ABHD6: variants seen among roughly 807,000 people sequenced by gnomAD.
ABHD6 encodes abhydrolase domain containing 6, acylglycerol lipase.
ABHD6 carries 33 observed loss-of-function variants against 38.8 expected under a neutral mutation model. The observed-to-expected ratio is 0.85, with a 90% CI of 0.64 to 1.14. The LOEUF (loss-of-function observed/expected upper bound fraction) is 1.14, where lower values mean the gene tolerates loss of function less well. ABHD6 is among the 50% of genes most tolerant of loss of function. ABHD6 has a pLI of 0.00. For missense variants in ABHD6, 380 were observed against 422.6 expected, an observed-to-expected ratio of 0.90 and a Z score of 0.88; for synonymous variants, 147 against 161.6, an observed-to-expected ratio of 0.91 and a Z score of 0.69.
At chr3:58,252,275 T>C (rs2097430558) in intron 2 of ABHD6, among the ~76,000 whole-genome samples, 1 of 127,630 alleles carries the variant, frequency 7.8e-6, no homozygotes, top group South Asian at 2.8e-4. Context: ...CTCTGTCGCC[T>C]AGGCTGTCGG....
At chr3:58,255,791 C>A (rs1158416707) in intron 2 of ABHD6, among the ~76,000 whole-genome samples, 1 of 151,940 alleles carries the variant, frequency 6.6e-6, no homozygotes, top group South Asian at 2.1e-4. Flanking sequence ...ATTACAGTCA[C>A]CTGCCACCAC....
At chr3:58,291,296 C>A (rs1412309404) in intron 9 of ABHD6, among the ~76,000 whole-genome samples, 2 of 151,596 alleles carry the variant, frequency 1.3e-5, no homozygotes, top group African/African-American at 4.9e-5. Context: ...GAGAATCAGG[C>A]AGGGAGGTTG....
chr3:58,292,692 G>A (rs959131361), intron 9 of ABHD6, among the ~76,000 whole-genome samples: 4 of 152,020 alleles, frequency 2.6e-5, no homozygotes, highest in Non-Finnish European at 5.9e-5. Context: ...TGAGGCAGGT[G>A]GATCACCTGA....
chr3:58,287,191 G>A lies in ABHD6; in HGVS notation c.837+1738G>A, dbSNP rs1317760463. Among the ~76,000 whole-genome samples, 1 of 152,086 alleles carries A rather than the reference G, an allele frequency of 6.6e-6. No individual in the cohort carries two copies. Among genetic ancestry groups the A allele is most frequent in the Non-Finnish European group, 1.5e-5 (1 of 68,010 alleles). ...CCCAGCTACTCTGGAGGGTGAGGCAGGAGGATCACTTGAGTCCAGGACATG... is the reference window on the plus strand; with the variant it reads ...CCCAGCTACTCTGGAGGGTGAGGCAAGAGGATCACTTGAGTCCAGGACATG... On this transcript the variant is annotated intron_variant, in intron 9 of 9. Coordinates refer to ENST00000478253, the MANE Select transcript of ABHD6 (RefSeq NM_001320126.2). The surrounding 1 kb of genome is among the most constrained non-coding windows in gnomAD (Gnocchi z 4.7).
chr3:58,254,356 A>G (rs1314144173), intron 2 of ABHD6, among the ~76,000 whole-genome samples: 1 of 152,220 alleles, frequency 6.6e-6, no homozygotes, highest in Non-Finnish European at 1.5e-5. Flanking sequence ...GAACACAGTC[A>G]TACTCATTCG....
rs1235603195 is a variant in ABHD6 at position 58,286,852 on chromosome 3, G to GTATATATA, written c.837+1409_837+1416dup. Among the ~76,000 whole-genome samples the GTATATATA allele has an allele frequency of 2.3e-3, 165 of 70,392 alleles. 9 individuals carry two copies. The highest frequency in any genetic ancestry group is 0.014 in the East Asian group (9 of 638). The allele number at this position is 70,392 out of a possible 152,430, so 46.2% of individuals were successfully genotyped here. On this transcript the variant is annotated intron_variant, in intron 9 of 9. Coordinates refer to ENST00000478253, the MANE Select transcript of ABHD6 (RefSeq NM_001320126.2). The stretch of plus-strand genomic sequence containing the variant: ...TGTGTGTGTGTGTGTGTGTGTGTGT[G>GTATATATA]TATATATATATATATATGTATATGT...
At position 58,285,256 on chromosome 3, in the gene ABHD6, A is replaced by G; in HGVS notation, c.737-97A>G. 2.0e-6 allele frequency: 3 copies of G among 1,515,638 alleles called. No individual in the cohort carries two copies. Among genetic ancestry groups the G allele is most frequent in the Non-Finnish European group, 2.7e-6 (3 of 1,091,076 alleles). The allele number at this position is 1,515,638 out of a possible 1,614,324, so 93.9% of individuals were successfully genotyped here. A position where few individuals can be genotyped will look rare whatever the true frequency, so the allele number is the denominator to read the frequency against. ...GTCTCTTTGGGCCCCTGAAGAGAGGAAGTGGTGGCCTGGATCTGGTGACTA... is the reference window on the plus strand; with the variant it reads ...GTCTCTTTGGGCCCCTGAAGAGAGGGAGTGGTGGCCTGGATCTGGTGACTA... On this transcript the variant is annotated intron_variant, in intron 8 of 9. Transcript: ENST00000478253. The surrounding 1 kb of genome is among the most constrained non-coding windows in gnomAD (Gnocchi z 4.9).
chr3:58,258,322 A>G (rs370350728), intron 3 of ABHD6: 17 of 427,350 alleles, frequency 4.0e-5, no homozygotes, highest in Admixed American at 2.7e-4. Flanking sequence ...AAAAATATGT[A>G]TATATATCAA....
intron 9 of ABHD6, among the ~76,000 whole-genome samples, chr3:58,289,453 C>T (rs1413375852): frequency 3.4e-5 from 5 of 149,124 alleles, no homozygotes; most frequent in Admixed American, 3.3e-4. Context: ...AGCATGCTGC[C>T]TTCAGGCATC....
At chr3:58,253,691 A>T (rs186840295) in intron 2 of ABHD6, among the ~76,000 whole-genome samples, 22 of 152,362 alleles carry the variant, frequency 1.4e-4, no homozygotes, top group African/African-American at 4.8e-4. Flanking sequence ...ACTGAGGAAG[A>T]ACATACATGA....
intron 7 of ABHD6, among the ~76,000 whole-genome samples, chr3:58,278,712 TTTC>T (rs1263522845): frequency 2.6e-5 from 4 of 152,250 alleles, no homozygotes; most frequent in African/African-American, 9.6e-5. Context: ...ATTTTAGATC[TTTC>T]TTGCTTTCTC....
rs1033463344 is a variant in ABHD6, at chr3:58,265,198, G to T, written c.120-1991G>T. 1.3e-5 allele frequency among the ~76,000 whole-genome samples: 2 copies of T among 152,140 alleles called. No individual in the cohort carries two copies. Among genetic ancestry groups the T allele is most frequent in the Non-Finnish European group, 2.9e-5 (2 of 68,016 alleles). ...ACTTCACTTAACATAATGATCTCCAGTTCCATCCATGTTGGTGCACTATTC... is the reference window on the plus strand; with the variant it reads ...ACTTCACTTAACATAATGATCTCCATTTCCATCCATGTTGGTGCACTATTC... On this transcript the variant is annotated intron_variant, in intron 3 of 9. Transcript: ENST00000478253. The surrounding 1 kb of genome is among the most constrained non-coding windows in gnomAD (Gnocchi z 4.2).
At chr3:58,290,162 G>A (rs1273522534) in intron 9 of ABHD6, among the ~76,000 whole-genome samples, 2 of 97,898 alleles carry the variant, frequency 2.0e-5, no homozygotes, top group Non-Finnish European at 4.0e-5. Flanking sequence ...CTGGCCGGGC[G>A]GGGGGCTGAC....
rs2097441273 is a variant in ABHD6 at position 58,266,753 on chromosome 3, A to G, written c.120-436A>G. Among the ~76,000 whole-genome samples the G allele has an allele frequency of 6.6e-6, 1 of 152,190 alleles. No individual in the cohort carries two copies. ...AATTGATTTTGGGCCAAAGTCCAGC[A>G]CTGCCAAGTCTTATGTAACCAGCAG... On this transcript the variant is annotated intron_variant, in intron 3 of 9. Coordinates refer to ENST00000478253, the MANE Select transcript of ABHD6 (RefSeq NM_001320126.2). This position sits in a 1 kb window ranked among gnomAD's most constrained non-coding sequence, Gnocchi z 4.0.
intron 2 of ABHD6, among the ~76,000 whole-genome samples, chr3:58,250,881 G>T (rs1343172989): frequency 6.6e-6 from 1 of 152,118 alleles, no homozygotes; most frequent in African/African-American, 2.4e-5. Context: ...CATATATCAG[G>T]CAGTGTAGTT....
chr3:58,274,886 G>T, intron 7 of ABHD6, 71 bp downstream of exon 7: 2 of 1,527,742 alleles, frequency 1.3e-6, no homozygotes, highest in Non-Finnish European at 1.8e-6. Context: ...CTTCCTGCAC[G>T]TATTCCCTCC....
chr3:58,252,057 A>T (rs543765092), intron 2 of ABHD6, among the ~76,000 whole-genome samples: 1 of 152,200 alleles, frequency 6.6e-6, no homozygotes, highest in East Asian at 1.9e-4. Flanking sequence ...CTCCCAGCTG[A>T]TGTGTGGAAG....
chr3:58,267,466 A>T lies in ABHD6; in HGVS notation c.276+121A>T, dbSNP rs1237345607. ...GATTGCTTGAGTCCAGGAGTTCAAA[A>T]CCAGCCTGGACAACATAAAGAAACC... On this transcript the variant is annotated intron_variant, in intron 4 of 9. Transcript: ENST00000478253. The surrounding 1 kb of genome is among the most constrained non-coding windows in gnomAD (Gnocchi z 4.3). 2 of 1,249,596 alleles carry T rather than the reference A, an allele frequency of 1.6e-6. No homozygotes were observed. Among genetic ancestry groups the T allele is most frequent in the African/African-American group, 3.0e-5 (2 of 65,710 alleles). The allele number at this position is 1,249,596 out of a possible 1,614,324, so 77.4% of individuals were successfully genotyped here. A position where few individuals can be genotyped will look rare whatever the true frequency, so the allele number is the denominator to read the frequency against.
intron 6 of ABHD6, among the ~76,000 whole-genome samples, chr3:58,272,938 T>C (rs2097446073): frequency 6.6e-6 from 1 of 152,184 alleles, no homozygotes; most frequent in South Asian, 2.1e-4. Flanking sequence ...ATTACCACAG[T>C]AAATTTTTTC....
Sources: allele counts gnomAD v4.1 joint callset (sites outside exome capture counted in the v4.1 genomes callset), GRCh38; gene constraint gnomAD v4.1.1; non-coding constraint Gnocchi (gnomAD v3.1); transcripts MANE v1.5; gene names NCBI Gene and HGNC (gene_info 2026-07-23, HGNC 2026-07-21).